EFCAB6: variants seen among roughly 807,000 people sequenced by gnomAD.
EFCAB6 encodes EF-hand calcium-binding domain-containing protein 6.
EFCAB6 carries 156 observed loss-of-function variants against 169.8 expected under a neutral mutation model. The ratio of observed to expected loss-of-function variants is 0.92; its 90% CI spans 0.81 to 1.05. The LOEUF is 1.05. EFCAB6 is among the 50% of genes least tolerant of loss of function. The pLI, the probability that EFCAB6 is intolerant of heterozygous loss-of-function variation, is 0.00. For synonymous variants in EFCAB6, 698 were observed against 676.4 expected (o/e 1.03, Z -0.50); for missense variants, 1,800 against 1,829.1 (o/e 0.98, Z 0.29).
intron 17 of EFCAB6, 73 bp downstream of exon 17, chr22:43,667,031 T>C: frequency 6.6e-7 from 1 of 1,524,308 alleles, no homozygotes; most frequent in Non-Finnish European, 8.9e-7. Context: ...GCCATTGTCC[T>C]TTAAAGTATG....
chr22:43,796,134 G>C (rs1269678739), intron 2 of EFCAB6, among the ~76,000 whole-genome samples: 1 of 151,976 alleles, frequency 6.6e-6, no homozygotes, highest in Admixed American at 6.5e-5. Flanking sequence ...CACCATTCAG[G>C]GTAGAAGTTT....
intron 13 of EFCAB6, among the ~76,000 whole-genome samples, chr22:43,675,486 TTA>T (rs2057711472): frequency 7.1e-6 from 1 of 141,230 alleles, no homozygotes; most frequent in Non-Finnish European, 1.5e-5. Context: ...ATATGTAATA[TTA>T]TATAATATAG....
rs924417405 is a variant in EFCAB6, at chr22:43,534,703, C to A, written c.4218G>T (p.Gln1406His). Reference protein sequence around the residue: ...ESSLMHRMKIQNAHKMKEAGA... With the variant: ...ESSLMHRMKIHNAHKMKEAGA... Reference sequence around the variant, plus strand: ...GGCAACATACCATCTTGTGTGCATTCTGGATCTTCATCCTGTGCATCAGTG... The same window carrying A: ...GGCAACATACCATCTTGTGTGCATTATGGATCTTCATCCTGTGCATCAGTG... The change falls in exon 30 of 32, where the codon CAG becomes CAT. Residue 1406 changes from glutamine to histidine, a missense_variant. Coordinates refer to ENST00000262726, the MANE Select transcript of EFCAB6 (RefSeq NM_022785.4). 1.2e-6 allele frequency: 2 copies of A among 1,608,314 alleles called. No individual in the cohort carries two copies. The highest frequency in any genetic ancestry group is 1.7e-6 in the Non-Finnish European group (2 of 1,177,870).
chr22:43,718,198 G>A (rs973553881), intron 8 of EFCAB6, among the ~76,000 whole-genome samples: 2 of 152,060 alleles, frequency 1.3e-5, no homozygotes, highest in African/African-American at 4.8e-5. Flanking sequence ...GTGTTTTCTG[G>A]CTTTTTTGAA....
At chr22:43,747,579 A>G (rs1216029089) in intron 6 of EFCAB6, among the ~76,000 whole-genome samples, 2 of 152,094 alleles carry the variant, frequency 1.3e-5, no homozygotes, top group Non-Finnish European at 2.9e-5. Context: ...CTCAGTGCAC[A>G]CTCAGCTGGG....
rs748313467 is a variant in EFCAB6, at chr22:43,537,398, T to G, written c.4027A>C (p.Ile1343Leu). Residue 1343 changes from isoleucine (I) to leucine (L), a missense_variant, in exon 29 of 32, where the codon ATC (isoleucine) becomes CTC (leucine). Ile to Leu is a conservative substitution (Grantham distance 5). Transcript: ENST00000262726. This position sits in a 1 kb window ranked among gnomAD's most constrained non-coding sequence, Gnocchi z 4.3. ...GAACCCAGGAAATCGGAGGCGTTGA[T>G]GTCCCCCTGTCTGGCCACGTCCTTC... ...KEKDVARQGD[I>L]NASDFLALVE... 3.7e-5 allele frequency: 60 copies of G among 1,614,030 alleles called. No individual in the cohort carries two copies. The highest frequency in any genetic ancestry group is 5.0e-5 in the Non-Finnish European group (59 of 1,179,972).
In EFCAB6 at chr22:43,639,455, C is replaced by A. The variant is rs180907494; in HGVS notation, c.1984-4239G>T. Among the ~76,000 whole-genome samples the A allele has an allele frequency of 4.3e-4, 65 of 152,178 alleles. 1 individual carries two copies. The Middle Eastern group carries it at 0.02, about 48-fold the overall frequency. ...TTTGCTTTTGCTTTTTTCCTTTTTC[C>A]TTTCCATATGTTACTGTTCCACTAT... On this transcript the variant is annotated intron_variant, in intron 17 of 31. Transcript: ENST00000262726.
At chr22:43,796,610 CA>C (rs901211325) in intron 2 of EFCAB6, among the ~76,000 whole-genome samples, 7 of 151,988 alleles carry the variant, frequency 4.6e-5, no homozygotes, top group African/African-American at 1.7e-4. Context: ...ACACTGACCA[CA>C]AGTGTGCTGT....
intron 20 of EFCAB6, among the ~76,000 whole-genome samples, chr22:43,618,071 C>T (rs2053823192): frequency 6.9e-6 from 1 of 145,796 alleles, no homozygotes. Context: ...CACTGTACTC[C>T]AGCCTGGGTG....
chr22:43,719,064 A>G (rs2059432766), intron 8 of EFCAB6, among the ~76,000 whole-genome samples: 1 of 152,138 alleles, frequency 6.6e-6, no homozygotes, highest in South Asian at 2.1e-4. Context: ...TGTTTAAACA[A>G]CATGTCTGGC....
At chr22:43,568,582 G>A (rs1440349715) in intron 26 of EFCAB6, among the ~76,000 whole-genome samples, 3 of 152,130 alleles carry the variant, frequency 2.0e-5, no homozygotes, top group Admixed American at 6.5e-5. Flanking sequence ...TCCTGATCCG[G>A]GTTCAGGGGA....
At chr22:43,655,703 T>C (rs913621007) in intron 17 of EFCAB6, among the ~76,000 whole-genome samples, 1 of 152,168 alleles carries the variant, frequency 6.6e-6, no homozygotes, top group African/African-American at 2.4e-5. Context: ...AGACTCAGAC[T>C]ATCAGACTGT....
intron 21 of EFCAB6, among the ~76,000 whole-genome samples, chr22:43,612,336 C>A (rs889375365): frequency 2.0e-5 from 3 of 152,110 alleles, no homozygotes; most frequent in African/African-American, 7.2e-5. Context: ...TTCTGCACAG[C>A]AAAACTATCA....
At chr22:43,763,168 C>T (rs1168453748) in intron 5 of EFCAB6, among the ~76,000 whole-genome samples, 2 of 151,838 alleles carry the variant, frequency 1.3e-5, no homozygotes, top group African/African-American at 2.4e-5. Context: ...CCTCCCGAGT[C>T]GCTGGGATTA....
At chr22:43,582,341 TACAC>T (rs34578401) in intron 24 of EFCAB6, among the ~76,000 whole-genome samples, 3,763 of 148,350 alleles carry the variant, frequency 0.025, 146 homozygotes, top group African/African-American at 0.089. Flanking sequence ...TCTATACACA[TACAC>T]ACACACACAC....
intron 4 of EFCAB6, among the ~76,000 whole-genome samples, chr22:43,768,174 T>C (rs2061373842): frequency 1.3e-5 from 2 of 152,324 alleles, no homozygotes; most frequent in South Asian, 2.1e-4. Flanking sequence ...GCCACATTTT[T>C]ATAAAACACC....
At chr22:43,798,964 T>C (rs530463339) in intron 2 of EFCAB6, among the ~76,000 whole-genome samples, 14 of 152,186 alleles carry the variant, frequency 9.2e-5, no homozygotes, top group Non-Finnish European at 4.4e-5. Context: ...CTCTGATTCA[T>C]CCTCCTCTGT....
At chr22:43,802,632 G>T (rs2062766117) in intron 2 of EFCAB6, 3 of 481,064 alleles carry the variant, frequency 6.2e-6, no homozygotes, top group East Asian at 5.5e-5. Flanking sequence ...AAGCCTAAAA[G>T]GGCCCCTACA....
chr22:43,594,352 G>A (rs1267253792), intron 23 of EFCAB6, among the ~76,000 whole-genome samples: 1 of 150,284 alleles, frequency 6.7e-6, no homozygotes, highest in South Asian at 2.1e-4. Context: ...AAAGTTGCTA[G>A]ATGGATTAAA....
Sources: gnomAD v4.1 joint callset for allele counts (sites outside exome capture counted in the v4.1 genomes callset) on GRCh38, gnomAD v4.1.1 for gene constraint, Gnocchi (gnomAD v3.1) non-coding constraint, MANE v1.5 for transcripts, NCBI Gene and HGNC (gene_info 2026-07-23, HGNC 2026-07-21) for gene names.